SLITRK1: variants seen among roughly 807,000 people sequenced by gnomAD.
The protein encoded by SLITRK1 is SLIT and NTRK-like protein 1.
Under a neutral mutation model 42.4 loss-of-function variants are expected in SLITRK1, and 10 were observed. The observed-to-expected ratio is 0.24, with a 90% confidence interval of 0.15 to 0.40. The LOEUF (loss-of-function observed/expected upper bound fraction) is 0.40. Among genes scored for constraint, SLITRK1 ranks in the 10% least tolerant of loss-of-function variants. The pLI, the probability that SLITRK1 is intolerant of heterozygous loss-of-function variation, is 1.00. For missense variants in SLITRK1, 778 were observed against 848.8 expected, an observed-to-expected ratio of 0.92 and a Z score of 1.04; for synonymous variants, 389 against 365.7, an observed-to-expected ratio of 1.06 and a Z score of -0.73.
chr13:83,880,638 G>C lies in SLITRK1; in HGVS notation c.870C>G (p.Phe290Leu), dbSNP rs1261918853. Residue 290 changes from phenylalanine (F) to leucine (L), a missense_variant, in exon 2 of 2, where the codon TTC becomes TTG. Around this residue, in one of 4 missense-constraint regions of SLITRK1, gnomAD observed 395 missense variants for 360.4 expected, o/e 1.10. Transcript: ENST00000674365. ...CATGATCCTCTTGCCCATTTGTCTT[G>C]AAAGGAGTTGGCAGGGGTCCAGGAG... is the stretch of plus-strand genomic sequence containing the variant. ...TFAPGPLPTP[F>L]KTNGQEDHAT... is the part of the protein sequence containing the mutation. The C allele has an allele frequency of 6.2e-7, 1 of 1,614,030 alleles. No homozygotes were observed. Among genetic ancestry groups the C allele is most frequent in the African/African-American group, 1.3e-5 (1 of 74,908 alleles).
Position 83,880,672 on chromosome 13 carries a change from T to G in SLITRK1, c.836A>C (p.Glu279Ala). ...SSLPAPPAQE[E>A]TFAPGPLPTP... Reference sequence around the variant, plus strand: ...TGGCAGGGGTCCAGGAGCAAAGGTCTCTTCTTGGGCAGGGGGCGCCGGGAG... The same window carrying G: ...TGGCAGGGGTCCAGGAGCAAAGGTCGCTTCTTGGGCAGGGGGCGCCGGGAG... The change falls in exon 2 of 2, where the codon GAG becomes GCG. Residue 279 changes from glutamate (E) to alanine (A), a missense_variant. Transcript: ENST00000674365. The G allele has an allele frequency of 6.2e-7, 1 of 1,614,130 alleles. No homozygotes were observed. Among genetic ancestry groups the G allele is most frequent in the Non-Finnish European group, 8.5e-7 (1 of 1,180,026 alleles).
chr13:83,880,962 G>A lies in SLITRK1; in HGVS notation c.546C>T (p.Leu182=), dbSNP rs771483350. ...TTTTCAGCCTGTTACCCCGGAGGTC[G>A]AGGTGGGTGATGGGCACATACTGGA... ...NVFQYVPITH[L]DLRGNRLKTL... The change falls in exon 2 of 2, where the codon CTC becomes CTT. Residue 182 remains leucine, a synonymous_variant. Transcript: ENST00000674365. 15 of 1,614,004 alleles carry A rather than the reference G, an allele frequency of 9.3e-6. No homozygotes were observed. The highest frequency in any genetic ancestry group is 2.2e-5 in the East Asian group (1 of 44,868).
In SLITRK1 at chr13:83,881,753, A is replaced by G. The variant is rs868773704; in HGVS notation, c.-53-193T>C. 64 of 317,108 alleles carry G rather than the reference A, an allele frequency of 2.0e-4. No individual in the cohort carries two copies. The African/African-American group carries it at 2.3e-3, about 11-fold the overall frequency. The allele number at this position is 317,108 out of a possible 1,614,324, so 19.6% of individuals were successfully genotyped here. A position where few individuals can be genotyped will look rare whatever the true frequency, so the allele number is the denominator to read the frequency against. ...GCACGTAGTGCAAGGCAAGCAAAGAAAAAAAAAAAAAAAAAAAAGTAGGAA... is the reference window on the plus strand; with the variant it reads ...GCACGTAGTGCAAGGCAAGCAAAGAGAAAAAAAAAAAAAAAAAAGTAGGAA... On this transcript the variant is annotated intron_variant, in intron 1 of 1. Transcript: ENST00000674365.
Position 83,880,714 on chromosome 13 carries a change from T to G in SLITRK1, c.794A>C (p.Asn265Thr), listed in dbSNP as rs1884795990. ...CGCCGGGAGACTAGAATCCACTCGG[T>G]TTTTCAAAGGACACAAGTCCTGTTC... ...TTEQDLCPLK[N>T]RVDSSLPAPP... The change falls in exon 2 of 2, where the codon AAC becomes ACC. Residue 265 changes from asparagine (N) to threonine (T), a missense_variant. Transcript: ENST00000674365. 1.2e-6 allele frequency: 2 copies of G among 1,613,804 alleles called. No individual in the cohort carries two copies. Among genetic ancestry groups the G allele is most frequent in the African/African-American group, 1.3e-5 (1 of 74,826 alleles).
In SLITRK1 at chr13:83,879,305, T is replaced by A. The variant is rs964134250; in HGVS notation, c.*112A>T. 11 of 1,366,278 alleles carry A rather than the reference T, an allele frequency of 8.1e-6. No homozygotes were observed. Among genetic ancestry groups the A allele is most frequent in the South Asian group, 6.1e-5 (5 of 82,288 alleles). The allele number at this position is 1,366,278 out of a possible 1,614,324, so 84.6% of individuals were successfully genotyped here. On this transcript the variant is annotated 3_prime_UTR_variant, in exon 2 of 2. Transcript: ENST00000674365. ...ACAGTTATTTATCTACTTATGCCCA[T>A]CCAGGCTGATGGCGCGGGGATTTGG...
Position 83,879,104 on chromosome 13 carries a change from G to A in SLITRK1, c.*313C>T, listed in dbSNP as rs551251899. The A allele has an allele frequency of 2.8e-4, 118 of 414,924 alleles. No homozygotes were observed. Among genetic ancestry groups the A allele is most frequent in the African/African-American group, 1.8e-3 (87 of 49,472 alleles). The allele number at this position is 414,924 out of a possible 1,614,324, so 25.7% of individuals were successfully genotyped here. A position where few individuals can be genotyped will look rare whatever the true frequency, so the allele number is the denominator to read the frequency against. On this transcript the variant is annotated 3_prime_UTR_variant, in exon 2 of 2. Coordinates refer to ENST00000674365, the MANE Select transcript of SLITRK1 (RefSeq NM_001281503.2). ...CGCGGCATCCAACCCCACAGGCCCC[G>A]GGGCCGAGGGCGAGGGCACTGTCAG...
chr13:83,879,763 T>C lies in SLITRK1; in HGVS notation c.1745A>G (p.Tyr582Cys), dbSNP rs1884770280. The change falls in exon 2 of 2, where the codon TAC (tyrosine) becomes TGC (cysteine). Residue 582 changes from tyrosine to cysteine, a missense_variant. Transcript: ENST00000674365. ...LSNDEICPQL[Y>C]ARISPTLTSH... The stretch of plus-strand genomic sequence containing the variant: ...AGTTAACGTGGGCGAGATCCTAGCG[T>C]ACAGCTGAGGGCAGATCTCGTCATT... 6.2e-7 allele frequency: 1 copy of C among 1,613,856 alleles called. No individual in the cohort carries two copies. The highest frequency in any genetic ancestry group is 8.5e-7 in the Non-Finnish European group (1 of 1,180,028).
At position 83,880,303 on chromosome 13, in the gene SLITRK1, A is replaced by G. The variant is rs1379711637; in HGVS notation, c.1205T>C (p.Ile402Thr). 2 of 1,613,970 alleles carry G rather than the reference A, an allele frequency of 1.2e-6. No homozygotes were observed. Among genetic ancestry groups the G allele is most frequent in the Non-Finnish European group, 1.7e-6 (2 of 1,180,020 alleles). The change falls in exon 2 of 2, where the codon ATT becomes ACT. Residue 402 changes from isoleucine to threonine, a missense_variant. Transcript: ENST00000674365. Reference protein sequence around the residue: ...KSHFVDYKNLILLDLGNNNIA... With the variant: ...KSHFVDYKNLTLLDLGNNNIA... ...GTTATTGTTGCCCAGATCCAACAGA[A>G]TGAGGTTCTTGTAATCCACAAAGTG...
In SLITRK1 at chr13:83,879,456, G is replaced by A. The variant is rs1297014811; in HGVS notation, c.2052C>T (p.His684=). The change falls in exon 2 of 2, where the codon CAC becomes CAT. Residue 684 remains histidine, a synonymous_variant. Transcript: ENST00000674365. Reference sequence around the variant, plus strand: ...AGTGAGAGCCACAGTCATACACTCTGTGGGCCCCATCTGCGTTGTAAGGCC... The same window carrying A: ...AGTGAGAGCCACAGTCATACACTCTATGGGCCCCATCTGCGTTGTAAGGCC... The part of the protein sequence containing the change: ...HNGPYNADGA[H]RVYDCGSHSL... The A allele has an allele frequency of 1.2e-6, 2 of 1,613,808 alleles. No homozygotes were observed. The highest frequency in any genetic ancestry group is 1.7e-6 in the Non-Finnish European group (2 of 1,180,026).
At position 83,880,032 on chromosome 13, in the gene SLITRK1, A is replaced by T; in HGVS notation, c.1476T>A (p.Ala492=). ...GGCTGAGTTTAGAGAGCGAGACCCC[A>T]GCGAACACGTCCACAGGCAGGGACC... The part of the protein sequence containing the change: ...LLRSLPVDVF[A]GVSLSKLSLH... Residue 492 remains alanine, a synonymous_variant, in exon 2 of 2, where the codon GCT becomes GCA. Transcript: ENST00000674365. The T allele has an allele frequency of 6.2e-7, 1 of 1,614,052 alleles. No homozygotes were observed. The highest frequency in any genetic ancestry group is 1.3e-5 in the African/African-American group (1 of 75,008).
Position 83,879,420 on chromosome 13 carries a change from G to T in SLITRK1, c.2088C>A (p.Asp696Glu). Residue 696 changes from aspartate to glutamate, a missense_variant, in exon 2 of 2, where the codon GAC (aspartate) becomes GAA (glutamate). By Grantham distance (45) the Asp-to-Glu change is conservative (BLOSUM62 2). Around this residue, in one of 4 missense-constraint regions of SLITRK1, gnomAD observed 164 missense variants for 158.2 expected, o/e 1.04. Coordinates refer to ENST00000674365, the MANE Select transcript of SLITRK1 (RefSeq NM_001281503.2). The part of the protein sequence containing the change: ...VYDCGSHSLS[D>E] ...CTCCCCTATTGGGGTTGGGGTCTTAGTCTGAGAGCGAGTGAGAGCCACAGT... is the reference window on the plus strand; with the variant it reads ...CTCCCCTATTGGGGTTGGGGTCTTATTCTGAGAGCGAGTGAGAGCCACAGT... 6 of 1,613,038 alleles carry T rather than the reference G, an allele frequency of 3.7e-6. No individual in the cohort carries two copies. The highest frequency in any genetic ancestry group is 5.1e-6 in the Non-Finnish European group (6 of 1,180,010).
chr13:83,881,109 T>C lies in SLITRK1; in HGVS notation c.399A>G (p.Glu133=), dbSNP rs1884804552. 8 of 1,613,956 alleles carry C rather than the reference T, an allele frequency of 5.0e-6. No individual in the cohort carries two copies. The highest frequency in any genetic ancestry group is 1.3e-5 in the African/African-American group (1 of 74,866). ...ATAAATTAAAATCAGCCTGGAGATA[T>C]TCCAGATCGTCCAGCCCCAGAAAAG... The part of the protein sequence containing the change: ...KQTFLGLDDL[E]YLQADFNLLR... The change falls in exon 2 of 2, where the codon GAA becomes GAG. Residue 133 remains glutamate (E), a synonymous_variant. Coordinates refer to ENST00000674365, the MANE Select transcript of SLITRK1 (RefSeq NM_001281503.2).
intron 1 of SLITRK1, 56 bp from the exon 2 acceptor site, chr13:83,881,616 G>T: frequency 2.0e-6 from 1 of 510,050 alleles, no homozygotes; most frequent in Non-Finnish European, 3.7e-6. Context: ...CCGAAGCCAG[G>T]AAAGGAGAAG....
At position 83,879,702 on chromosome 13, in the gene SLITRK1, G is replaced by T; in HGVS notation, c.1806C>A (p.Thr602=). The part of the protein sequence containing the change: ...HSKNSTGLAE[T]GTHSNSYLDT... ...CTAGGTAGGAGTTGGAGTGCGTCCC[G>T]GTCTCCGCCAACCCAGTGCTGTTTT... is the stretch of plus-strand genomic sequence containing the variant. Residue 602 remains threonine (T), a synonymous_variant, in exon 2 of 2, where the codon ACC becomes ACA. Coordinates refer to ENST00000674365, the MANE Select transcript of SLITRK1 (RefSeq NM_001281503.2). 1 of 1,613,880 alleles carries T rather than the reference G, an allele frequency of 6.2e-7. No individual in the cohort carries two copies. The highest frequency in any genetic ancestry group is 8.5e-7 in the Non-Finnish European group (1 of 1,179,980).
rs548070262 is a variant in SLITRK1, at chr13:83,877,213, T to G, written c.*2204A>C. 1 of 152,336 alleles carries G rather than the reference T, an allele frequency of 6.6e-6. No homozygotes were observed. The highest frequency in any genetic ancestry group is 1.5e-5 in the Non-Finnish European group (1 of 68,024). The allele number at this position is 152,336 out of a possible 1,614,324, so 9.4% of individuals were successfully genotyped here. A position where few individuals can be genotyped will look rare whatever the true frequency, so the allele number is the denominator to read the frequency against. ...AATGGCCTTAGGAATAGTCATGGTTTATAATAAAGATTTTATTAAAAAAGT... is the reference window on the plus strand; with the variant it reads ...AATGGCCTTAGGAATAGTCATGGTTGATAATAAAGATTTTATTAAAAAAGT... On this transcript the variant is annotated 3_prime_UTR_variant, in exon 2 of 2. Transcript: ENST00000674365.
At position 83,881,667 on chromosome 13, in the gene SLITRK1, A is replaced by G. The variant is rs901198457; in HGVS notation, c.-53-107T>C. 2.0e-5 allele frequency: 16 copies of G among 792,480 alleles called. No individual in the cohort carries two copies. In the East Asian group the frequency reaches 4.9e-4, roughly 24 times the overall value. 49.1% of individuals were successfully genotyped at this position (792,480 alleles called of 1,614,324 possible). On this transcript the variant is annotated intron_variant, in intron 1 of 1. Coordinates refer to ENST00000674365, the MANE Select transcript of SLITRK1 (RefSeq NM_001281503.2). ...GGTGGGGGTGGATTCCTTCCTCCCTAACCCCCCCGCACTGCAATAGCCCAG... is the reference window on the plus strand; with the variant it reads ...GGTGGGGGTGGATTCCTTCCTCCCTGACCCCCCCGCACTGCAATAGCCCAG...
rs201603283 is a variant in SLITRK1 at position 83,879,378 on chromosome 13, A to T, written c.*39T>A. On this transcript the variant is annotated 3_prime_UTR_variant, in exon 2 of 2. Coordinates refer to ENST00000674365, the MANE Select transcript of SLITRK1 (RefSeq NM_001281503.2). ...GGGTGCCTGCGGTGGGGAAGGATGT[A>T]TCGCCTTCCCTCTGCCCTCCCCTAT... The T allele has an allele frequency of 2.6e-4, 414 of 1,608,870 alleles. 3 individuals are homozygous for T. The South Asian group carries it at 4.2e-3, about 16-fold the overall frequency.
chr13:83,879,535 G>T lies in SLITRK1; in HGVS notation c.1973C>A (p.Ala658Glu). 6.2e-7 allele frequency: 1 copy of T among 1,614,084 alleles called. No individual in the cohort carries two copies. The highest frequency in any genetic ancestry group is 8.5e-7 in the Non-Finnish European group (1 of 1,180,018). ...TGTCTGTAGGGAATTAATCTCGGAC[G>T]CGGAGGAGTTGGCATCTCGTCTCTT... ...RSKRRDANSS[A>E]SEINSLQTVC... The change falls in exon 2 of 2, where the codon GCG (alanine) becomes GAG (glutamate). Residue 658 changes from alanine (A) to glutamate (E), a missense_variant. By Grantham distance (107) the Ala-to-Glu change is moderately radical. Around this residue, in one of 4 missense-constraint regions of SLITRK1, gnomAD observed 164 missense variants for 158.2 expected, o/e 1.04. Transcript: ENST00000674365.
chr13:83,879,368 G>A lies in SLITRK1; in HGVS notation c.*49C>T. The A allele has an allele frequency of 3.7e-6, 6 of 1,606,614 alleles. No homozygotes were observed. The highest frequency in any genetic ancestry group is 5.1e-6 in the Non-Finnish European group (6 of 1,179,226). On this transcript the variant is annotated 3_prime_UTR_variant, in exon 2 of 2. Coordinates refer to ENST00000674365, the MANE Select transcript of SLITRK1 (RefSeq NM_001281503.2). The stretch of plus-strand genomic sequence containing the variant: ...CCAGCCCCCGGGGTGCCTGCGGTGG[G>A]GAAGGATGTATCGCCTTCCCTCTGC...
Sources: gnomAD v4.1 joint callset for allele counts on GRCh38, gnomAD v4.1.1 for gene constraint, gnomAD v4.1.1 regional missense constraint, MANE v1.5 for transcripts, NCBI Gene and HGNC (gene_info 2026-07-23, HGNC 2026-07-21) for gene names.